Variants in REDIC1 observed in about 807,000 individuals in gnomAD.
REDIC1 encodes the protein regulator of DNA class I crossover intermediates 1.
At chr12:39,799,425 T>C in the REDIC1 span, among the ~76,000 whole-genome samples, 6 of 144,554 alleles carry the variant, frequency 4.2e-5, no homozygotes, top group African/African-American at 1.5e-4. Context: ...TGTTCTTTAA[T>C]CTCAACCATT....
At chr12:39,629,780 T>C in the REDIC1 span, among the ~76,000 whole-genome samples, 1 of 152,320 alleles carries the variant, frequency 6.6e-6, no homozygotes, top group Admixed American at 6.5e-5. Context: ...TTAATTTACA[T>C]GTATATGATA....
chr12:39,899,566 T>A, the REDIC1 span, among the ~76,000 whole-genome samples: 5 of 152,180 alleles, frequency 3.3e-5, no homozygotes, highest in African/African-American at 1.2e-4. Context: ...CTTTCAATTG[T>A]GATGTTAGGG....
the REDIC1 span, among the ~76,000 whole-genome samples, chr12:39,894,530 A>C: frequency 6.6e-6 from 1 of 152,246 alleles, no homozygotes; most frequent in Non-Finnish European, 1.5e-5. Flanking sequence ...CTCCTGCTGA[A>C]TTGATTTAGC....
At chr12:39,755,694 C>A in the REDIC1 span, 24 of 151,998 alleles carry the variant, frequency 1.6e-4, no homozygotes, top group Admixed American at 1.6e-3. Context: ...AAATCAAACA[C>A]ATGAACTTAA....
chr12:39,643,924 C>T, the REDIC1 span: 9 of 1,530,316 alleles, frequency 5.9e-6, no homozygotes, highest in Admixed American at 1.9e-5. Context: ...CCTGGTAAGT[C>T]ATTCCAATTG....
chr12:39,848,416 T>A, the REDIC1 span, among the ~76,000 whole-genome samples: 1 of 152,144 alleles, frequency 6.6e-6, no homozygotes, highest in African/African-American at 2.4e-5. Context: ...AAGGAGCATA[T>A]GAAAAAAATT....
chr12:39,764,651 T>C, the REDIC1 span: 6 of 1,581,966 alleles, frequency 3.8e-6, no homozygotes, highest in Non-Finnish European at 4.3e-6. Context: ...TAAAATAGCA[T>C]GTAAGAAATT....
the REDIC1 span, among the ~76,000 whole-genome samples, chr12:39,788,168 G>A: frequency 6.6e-6 from 1 of 152,018 alleles, no homozygotes; most frequent in Non-Finnish European, 1.5e-5. Context: ...CTCATACCTA[G>A]TACCAAACCC....
the REDIC1 span, chr12:39,646,360 G>T: frequency 7.1e-7 from 1 of 1,405,658 alleles, no homozygotes; most frequent in Admixed American, 2.5e-5. Flanking sequence ...ATGTGAACAT[G>T]AATAGAGACA....
At chr12:39,669,161 G>A in the REDIC1 span, among the ~76,000 whole-genome samples, 2 of 152,210 alleles carry the variant, frequency 1.3e-5, no homozygotes, top group South Asian at 2.1e-4. Context: ...TTTCTGCTCC[G>A]TTTTTTCCCC....
chr12:39,714,489 G>T, the REDIC1 span, among the ~76,000 whole-genome samples: 2 of 151,384 alleles, frequency 1.3e-5, no homozygotes, highest in African/African-American at 2.4e-5. Context: ...GCATGATTTT[G>T]TAATTGTGAA....
chr12:39,718,766 A>C, the REDIC1 span, among the ~76,000 whole-genome samples: 3 of 152,060 alleles, frequency 2.0e-5, no homozygotes. Flanking sequence ...GGCATCTGGG[A>C]ATGTGTCTGC....
At chr12:39,777,165 C>T in the REDIC1 span, among the ~76,000 whole-genome samples, 2 of 152,184 alleles carry the variant, frequency 1.3e-5, no homozygotes, top group Non-Finnish European at 2.9e-5. Flanking sequence ...ACTTTCCTTT[C>T]TTCCCGCTTC....
chr12:39,784,407 C>T, the REDIC1 span, among the ~76,000 whole-genome samples: 1,631 of 152,230 alleles, frequency 0.011, 25 homozygotes, highest in African/African-American at 0.036. Context: ...ACAGAGCCCG[C>T]AGAAATAATG....
chr12:39,646,822 A>C, the REDIC1 span: 1 of 1,534,548 alleles, frequency 6.5e-7, no homozygotes, highest in Non-Finnish European at 8.9e-7. Context: ...TTTTAACCTA[A>C]ATTTTTCTTT....
chr12:39,753,828 A>G, the REDIC1 span, among the ~76,000 whole-genome samples: 1 of 152,198 alleles, frequency 6.6e-6, no homozygotes, highest in African/African-American at 2.4e-5. Context: ...AGACGGTAGT[A>G]GCATCTCATT....
the REDIC1 span, among the ~76,000 whole-genome samples, chr12:39,728,321 A>G: frequency 3.3e-5 from 5 of 152,150 alleles, no homozygotes; most frequent in African/African-American, 1.2e-4. Context: ...CATTCCATCA[A>G]TATCTAGTTT....
chr12:39,670,325 G>A, the REDIC1 span, among the ~76,000 whole-genome samples: 25 of 152,182 alleles, frequency 1.6e-4, no homozygotes, highest in Admixed American at 5.9e-4. Flanking sequence ...TCAATAACTG[G>A]GACTACAGGT....
the REDIC1 span, among the ~76,000 whole-genome samples, chr12:39,690,897 C>G: frequency 6.6e-6 from 1 of 152,104 alleles, no homozygotes; most frequent in Non-Finnish European, 1.5e-5. Flanking sequence ...TCAAACAGAT[C>G]TGAAGTAGGT....
Sources: gnomAD v4.1 joint callset for allele counts (sites outside exome capture counted in the v4.1 genomes callset) on GRCh38, gnomAD v4.1.1 for gene constraint, MANE v1.5 for transcripts, NCBI Gene and HGNC (gene_info 2026-07-23, HGNC 2026-07-21) for gene names.